Variants in TAFA1 observed in about 807,000 individuals in gnomAD.
TAFA1 encodes the protein TAFA chemokine like family member 1.
TAFA1 carries 4 observed loss-of-function variants against 18.5 expected under a neutral mutation model. That is an observed-to-expected ratio of 0.22 (90% CI 0.11 to 0.49). The LOEUF (loss-of-function observed/expected upper bound fraction) is 0.49. Ranked by LOEUF, TAFA1 falls within the 20% of genes least tolerant of loss-of-function variation. TAFA1 has a pLI of 0.98. For missense variants in TAFA1, 147 were observed against 169.0 expected, an observed-to-expected ratio of 0.87 and a Z score of 0.72; for synonymous variants, 56 against 55.2, an observed-to-expected ratio of 1.01 and a Z score of -0.06.
At chr3:68,049,646 G>C (rs1309787142) in intron 2 of TAFA1, among the ~76,000 whole-genome samples, 1 of 151,746 alleles carries the variant, frequency 6.6e-6, no homozygotes, top group Non-Finnish European at 1.5e-5. Context: ...TGGTAGTGGA[G>C]CACAAGCAAA....
At chr3:68,456,463 G>A (rs2071668333) in intron 3 of TAFA1, among the ~76,000 whole-genome samples, 1 of 152,248 alleles carries the variant, frequency 6.6e-6, no homozygotes, top group African/African-American at 2.4e-5. Context: ...GAATTGGTCT[G>A]CGGCCTCTTG....
chr3:68,497,424 A>G (rs2072567384), intron 3 of TAFA1, among the ~76,000 whole-genome samples: 1 of 152,150 alleles, frequency 6.6e-6, no homozygotes, highest in Non-Finnish European at 1.5e-5. Context: ...CATTACAATA[A>G]TCTAATGTGG....
intron 2 of TAFA1, among the ~76,000 whole-genome samples, chr3:68,134,994 A>C (rs1398429347): frequency 6.6e-6 from 1 of 152,164 alleles, no homozygotes; most frequent in Non-Finnish European, 1.5e-5. Context: ...AAAATTTCTT[A>C]GTATGTGATT....
intron 2 of TAFA1, among the ~76,000 whole-genome samples, chr3:68,098,804 G>A (rs541339236): frequency 6.6e-6 from 1 of 152,228 alleles, no homozygotes; most frequent in South Asian, 2.1e-4. Flanking sequence ...TACAAAAACA[G>A]ATGTATAGAC....
chr3:68,136,075 C>T (rs895966140), intron 2 of TAFA1, among the ~76,000 whole-genome samples: 1 of 152,034 alleles, frequency 6.6e-6, no homozygotes, highest in Non-Finnish European at 1.5e-5. Context: ...AGTATGAGGG[C>T]AAATAGAATA....
At chr3:68,432,686 G>A (rs936689863) in intron 3 of TAFA1, among the ~76,000 whole-genome samples, 3 of 152,028 alleles carry the variant, frequency 2.0e-5, no homozygotes, top group African/African-American at 7.2e-5. Context: ...GTGTTTTCAT[G>A]CAGAAGTGAA....
chr3:68,416,401 T>G (rs1048977713), intron 2 of TAFA1, among the ~76,000 whole-genome samples: 1 of 152,212 alleles, frequency 6.6e-6, no homozygotes, highest in Non-Finnish European at 1.5e-5. Context: ...GCATCCTAAA[T>G]GCCAAGAATC....
chr3:68,445,057 T>A (rs940130602), intron 3 of TAFA1, among the ~76,000 whole-genome samples: 1 of 152,056 alleles, frequency 6.6e-6, no homozygotes, highest in Non-Finnish European at 1.5e-5. Flanking sequence ...AGAGCCCATA[T>A]CTGTGTTCAG....
intron 2 of TAFA1, among the ~76,000 whole-genome samples, chr3:68,226,072 T>G (rs998106414): frequency 2.6e-5 from 4 of 152,212 alleles, no homozygotes; most frequent in Admixed American, 2.6e-4. Context: ...TTTTCAGAGT[T>G]CAGTTTACTT....
At chr3:68,122,460 G>A (rs184428938) in intron 2 of TAFA1, among the ~76,000 whole-genome samples, 32 of 152,190 alleles carry the variant, frequency 2.1e-4, no homozygotes, top group Admixed American at 2.0e-4. Flanking sequence ...AAAAAGAATC[G>A]CAAATGAAGA....
intron 2 of TAFA1, among the ~76,000 whole-genome samples, chr3:68,312,618 T>G (rs2068539343): frequency 6.6e-6 from 1 of 152,212 alleles, no homozygotes; most frequent in Non-Finnish European, 1.5e-5. Context: ...ACCACCTCAT[T>G]CTGGACTTTA....
At chr3:68,083,060 C>G (rs904700908) in intron 2 of TAFA1, among the ~76,000 whole-genome samples, 13 of 152,154 alleles carry the variant, frequency 8.5e-5, no homozygotes, top group Admixed American at 6.5e-4. Flanking sequence ...AAGATCACAG[C>G]CTTCCATTTC....
intron 2 of TAFA1, among the ~76,000 whole-genome samples, chr3:68,115,449 C>T (rs1346532561): frequency 1.3e-5 from 2 of 152,044 alleles, no homozygotes; most frequent in Non-Finnish European, 2.9e-5. Context: ...TTTTGGGGTG[C>T]TAAGTGTAAA....
At chr3:68,177,363 T>C (rs2066138916) in intron 2 of TAFA1, among the ~76,000 whole-genome samples, 1 of 152,168 alleles carries the variant, frequency 6.6e-6, no homozygotes, top group African/African-American at 2.4e-5. Context: ...TAGATGTAGC[T>C]ACAGAGCTCA....
At chr3:68,180,735 C>T (rs1432099774) in intron 2 of TAFA1, among the ~76,000 whole-genome samples, 1 of 147,678 alleles carries the variant, frequency 6.8e-6, no homozygotes, top group African/African-American at 2.4e-5. Context: ...TGTGTGGTCA[C>T]CAGAATAGCA....
chr3:68,542,778 T>G (rs2073398044), intron 4 of TAFA1, among the ~76,000 whole-genome samples: 1 of 152,102 alleles, frequency 6.6e-6, no homozygotes, highest in Non-Finnish European at 1.5e-5. Flanking sequence ...TTACATTCTT[T>G]TGGTCTTTGA....
At position 68,544,518 on chromosome 3, in the gene TAFA1, G is replaced by A; in HGVS notation, c.*15G>A. 1 of 1,612,176 alleles carries A rather than the reference G, an allele frequency of 6.2e-7. No individual in the cohort carries two copies. The highest frequency in any genetic ancestry group is 8.5e-7 in the Non-Finnish European group (1 of 1,178,706). ...CAAGAACCTAACAGAAGCATTTGTG[G>A]TAGTAAAGGAAAACCAACCCTCTGG... On this transcript the variant is annotated 3_prime_UTR_variant, in exon 5 of 5. Coordinates refer to ENST00000478136, the MANE Select transcript of TAFA1 (RefSeq NM_213609.4).
intron 2 of TAFA1, among the ~76,000 whole-genome samples, chr3:68,389,826 C>T (rs111514795): frequency 8.3e-4 from 126 of 152,226 alleles, no homozygotes; most frequent in Middle Eastern, 3.4e-3. Flanking sequence ...TGGTGCTATC[C>T]GGCCCAGATA....
At chr3:68,410,271 G>A (rs1044626166) in intron 2 of TAFA1, among the ~76,000 whole-genome samples, 1 of 151,758 alleles carries the variant, frequency 6.6e-6, no homozygotes, top group African/African-American at 2.4e-5. Flanking sequence ...TTTTTTGCAG[G>A]GGCCCTTCCC....
Sources: gnomAD v4.1 joint callset for allele counts (sites outside exome capture counted in the v4.1 genomes callset) on GRCh38, gnomAD v4.1.1 for gene constraint, MANE v1.5 for transcripts, NCBI Gene and HGNC (gene_info 2026-07-23, HGNC 2026-07-21) for gene names.